The following DENND1A variants were observed in gnomAD, a reference collection of about 807,000 sequenced individuals.
DENND1A encodes the protein DENN domain containing 1A.
DENND1A carries 51 observed loss-of-function variants against 113.7 expected under a neutral mutation model. The ratio of observed to expected loss-of-function variants is 0.45; its 90% CI spans 0.36 to 0.57. The LOEUF is 0.57. Among genes scored for constraint, DENND1A ranks in the 20% least tolerant of loss-of-function variants. The pLI, the probability that DENND1A is intolerant of heterozygous loss-of-function variation, is 0.00. For synonymous variants in DENND1A, 565 were observed against 570.8 expected, an observed-to-expected ratio of 0.99 and a Z score of 0.14; for missense variants, 1,258 against 1,395.9, an observed-to-expected ratio of 0.90 and a Z score of 1.57.
intron 5 of DENND1A, among the ~76,000 whole-genome samples, chr9:123,706,587 C>T (rs181622148): frequency 8.5e-4 from 129 of 151,290 alleles, no homozygotes; most frequent in Non-Finnish European, 1.4e-3. Flanking sequence ...CTGGCTAACA[C>T]AGCGAAACCC....
chr9:123,462,993 C>A (rs1456530488), intron 13 of DENND1A, among the ~76,000 whole-genome samples: 3 of 152,090 alleles, frequency 2.0e-5, no homozygotes, highest in African/African-American at 7.2e-5. Context: ...GTAAAAATGG[C>A]GGCCCCCACT....
intron 10 of DENND1A, among the ~76,000 whole-genome samples, chr9:123,622,069 A>G (rs2060990511): frequency 6.6e-6 from 1 of 152,230 alleles, no homozygotes; most frequent in Non-Finnish European, 1.5e-5. Context: ...TGGAAATGCC[A>G]AGAAATATGA....
intron 1 of DENND1A, among the ~76,000 whole-genome samples, chr9:123,909,397 A>G (rs1853539353): frequency 6.7e-6 from 1 of 149,830 alleles, no homozygotes; most frequent in Non-Finnish European, 1.5e-5. Flanking sequence ...ATATAAAATA[A>G]AATAAAAAAT....
chr9:123,818,732 G>C (rs1339712111), intron 2 of DENND1A, among the ~76,000 whole-genome samples: 1 of 151,996 alleles, frequency 6.6e-6, no homozygotes, highest in Non-Finnish European at 1.5e-5. Context: ...CTCATGTGTG[G>C]AATCGTCCAT....
chr9:123,688,420 A>G (rs887765594), intron 5 of DENND1A, among the ~76,000 whole-genome samples: 3 of 152,202 alleles, frequency 2.0e-5, no homozygotes, highest in African/African-American at 4.8e-5. Context: ...CCTAATATAT[A>G]TAAGTCAGGC....
intron 21 of DENND1A, among the ~76,000 whole-genome samples, chr9:123,397,353 C>T (rs1417749376): frequency 1.3e-5 from 2 of 152,184 alleles, no homozygotes; most frequent in East Asian, 3.8e-4. Context: ...CGGAGTTTTG[C>T]CATGTTGGCC....
intron 16 of DENND1A, among the ~76,000 whole-genome samples, chr9:123,452,909 C>A (rs989163973): frequency 1.3e-5 from 2 of 151,994 alleles, no homozygotes; most frequent in African/African-American, 4.8e-5. Context: ...ACATCTAAAT[C>A]TTGAAAAAAG....
chr9:123,450,647 A>C (rs753485365), intron 18 of DENND1A, 46 bp downstream of exon 18: 27 of 1,551,246 alleles, frequency 1.7e-5, no homozygotes, highest in Non-Finnish European at 2.4e-5. Flanking sequence ...GTGGCCATGC[A>C]TTTCATACAT....
chr9:123,562,000 G>A (rs2057786202), intron 12 of DENND1A, among the ~76,000 whole-genome samples: 1 of 152,118 alleles, frequency 6.6e-6, no homozygotes, highest in Non-Finnish European at 1.5e-5. Context: ...CAGACTAGTG[G>A]AGCGGTTTCC....
At chr9:123,515,571 T>G (rs558080764) in intron 13 of DENND1A, among the ~76,000 whole-genome samples, 15 of 152,326 alleles carry the variant, frequency 9.8e-5, no homozygotes, top group African/African-American at 3.4e-4. Context: ...GAAGGGTAAA[T>G]GGGTATTCAC....
At chr9:123,855,027 C>T (rs1417656629) in intron 2 of DENND1A, among the ~76,000 whole-genome samples, 2 of 151,260 alleles carry the variant, frequency 1.3e-5, no homozygotes, top group Non-Finnish European at 2.9e-5. Context: ...AGGTAAAACT[C>T]CACTCTAAAA....
intron 12 of DENND1A, among the ~76,000 whole-genome samples, chr9:123,564,491 C>T (rs2057938859): frequency 6.6e-6 from 1 of 152,240 alleles, no homozygotes; most frequent in Non-Finnish European, 1.5e-5. Context: ...CTTTAGCCAC[C>T]CACACTGGGC....
At chr9:123,508,457 A>G (rs2053160089) in intron 13 of DENND1A, among the ~76,000 whole-genome samples, 1 of 152,376 alleles carries the variant, frequency 6.6e-6, no homozygotes, top group Middle Eastern at 3.4e-3. Flanking sequence ...CTGTAATAAA[A>G]TGAGCTGTTT....
intron 2 of DENND1A, among the ~76,000 whole-genome samples, chr9:123,826,399 C>A (rs1356841854): frequency 6.6e-6 from 1 of 152,036 alleles, no homozygotes; most frequent in African/African-American, 2.4e-5. Context: ...GAGACCCTGT[C>A]TCTATAAAAA....
chr9:123,691,417 A>C (rs1433466715), intron 5 of DENND1A, among the ~76,000 whole-genome samples: 1 of 152,210 alleles, frequency 6.6e-6, no homozygotes, highest in Non-Finnish European at 1.5e-5. Context: ...GAACTGGATG[A>C]AACAGAAGCA....
At chr9:123,400,549 C>T (rs1006143636) in intron 21 of DENND1A, 1 of 152,170 alleles carries the variant, frequency 6.6e-6, no homozygotes, top group Admixed American at 6.5e-5. Context: ...GACAGTCTTA[C>T]TCTTAATCAG....
At chr9:123,714,469 G>A (rs1204556806) in intron 5 of DENND1A, among the ~76,000 whole-genome samples, 1 of 152,102 alleles carries the variant, frequency 6.6e-6, no homozygotes, top group Non-Finnish European at 1.5e-5. Context: ...GGGTGTGGTG[G>A]TGCATGCCTG....
intron 15 of DENND1A, 93 bp downstream of exon 15, chr9:123,457,255 A>G (rs1025933472): frequency 2.6e-5 from 25 of 955,666 alleles, no homozygotes; most frequent in Non-Finnish European, 3.4e-5. Context: ...CTAAGCCCCA[A>G]TAAAGGAAAA....
At chr9:123,726,540 A>C (rs1164227855) in intron 5 of DENND1A, among the ~76,000 whole-genome samples, 2 of 152,216 alleles carry the variant, frequency 1.3e-5, no homozygotes, top group Non-Finnish European at 2.9e-5. Context: ...CACAGCACAG[A>C]GCATTAAAAA....
Sources: gnomAD v4.1 joint callset for allele counts (sites outside exome capture counted in the v4.1 genomes callset) on GRCh38, gnomAD v4.1.1 for gene constraint, MANE v1.5 for transcripts, NCBI Gene and HGNC (gene_info 2026-07-23, HGNC 2026-07-21) for gene names.